The following NHS variants were observed in gnomAD, a reference collection of about 807,000 sequenced individuals.
NHS encodes the protein NHS actin remodeling regulator.
NHS carries 5 observed loss-of-function variants against 72.5 expected under a neutral mutation model. The observed-to-expected ratio is 0.07, with a 90% confidence interval of 0.04 to 0.14. The LOEUF is 0.14. NHS is among the 10% of genes least tolerant of loss of function. The pLI, the probability that NHS is intolerant of heterozygous loss-of-function variation, is 1.00. For missense variants in NHS, 1,072 were observed against 1,355.7 expected (o/e 0.79, Z 3.29); for synonymous variants, 464 against 547.7 (o/e 0.85, Z 2.13).
Position 17,687,873 on chromosome X carries a change from A to G in NHS, c.697A>G (p.Ser233Gly), listed in dbSNP as rs1235097477. ...VEELHRHARQ[S>G]LQALRREHRS... ...GGAGCTGCACCGCCACGCCCGGCAG[A>G]GCCTGCAAGCCCTGCGCAGAGGTGA... is the stretch of plus-strand genomic sequence containing the variant. The change falls in exon 2 of 9, where the codon AGC becomes GGC. Residue 233 changes from serine to glycine, a missense_variant. Transcript: ENST00000676302. 1 of 1,211,711 alleles carries G rather than the reference A, an allele frequency of 8.3e-7. No homozygotes were observed. Among genetic ancestry groups the G allele is most frequent in the East Asian group, 3.0e-5 (1 of 33,816 alleles).
At chrX:17,622,801 A>G (rs780376559) in intron 1 of NHS, among the ~76,000 whole-genome samples, 2 of 111,873 alleles carry the variant, frequency 1.8e-5, no homozygotes, top group East Asian at 5.6e-4. Context: ...CCCTGCAATC[A>G]GGCGTGGTTT....
chrX:17,451,967 C>G (rs2064807295), intron 1 of NHS, among the ~76,000 whole-genome samples: 1 of 111,692 alleles, frequency 9.0e-6, no homozygotes, highest in African/African-American at 3.3e-5. Flanking sequence ...CTTCCTGAGT[C>G]TTTGGAGCCC....
chrX:17,566,689 G>T (rs866674982), intron 1 of NHS, among the ~76,000 whole-genome samples: 32 of 102,167 alleles, frequency 3.1e-4, no homozygotes, highest in South Asian at 8.3e-4. Flanking sequence ...GCATTTGTTT[G>T]TTTTTTTTTT....
chrX:17,679,016 C>A (rs191850787), intron 1 of NHS, among the ~76,000 whole-genome samples: 6 of 111,114 alleles, frequency 5.4e-5, no homozygotes, highest in African/African-American at 1.6e-4. Flanking sequence ...TGCTGAAAAA[C>A]CAAGTTTGTA....
chrX:17,383,227 G>A (rs2064387362), intron 1 of NHS, among the ~76,000 whole-genome samples: 1 of 111,809 alleles, frequency 8.9e-6, no homozygotes, highest in South Asian at 3.7e-4. Flanking sequence ...TACTTATGGG[G>A]GAACTGCAAC....
chrX:17,511,962 G>A (rs728454), intron 1 of NHS, among the ~76,000 whole-genome samples: 106 of 111,848 alleles, frequency 9.5e-4, no homozygotes, highest in African/African-American at 3.3e-3. Flanking sequence ...TCACCTCTCA[G>A]CTGGGATAAA....
intron 1 of NHS, among the ~76,000 whole-genome samples, chrX:17,554,642 C>A (rs2065357617): frequency 8.9e-6 from 1 of 111,839 alleles, no homozygotes; most frequent in Non-Finnish European, 1.9e-5. Flanking sequence ...GAACAAGGAA[C>A]TGTGTCGTGG....
chrX:17,428,231 T>C (rs749325490), intron 1 of NHS, among the ~76,000 whole-genome samples: 1 of 112,664 alleles, frequency 8.9e-6, no homozygotes, highest in South Asian at 3.6e-4. Flanking sequence ...GGTTTCTTCA[T>C]TGATTCAGGT....
chrX:17,455,922 AT>A (rs971726411), intron 1 of NHS, among the ~76,000 whole-genome samples: 1 of 111,205 alleles, frequency 9.0e-6, no homozygotes, highest in African/African-American at 3.3e-5. Flanking sequence ...GTGGTGTGTA[AT>A]TTGTAGCTAA....
At chrX:17,677,231 A>G (rs778220051) in intron 1 of NHS, among the ~76,000 whole-genome samples, 53 of 112,267 alleles carry the variant, frequency 4.7e-4, no homozygotes, top group Admixed American at 6.6e-4. Context: ...CTCACATACA[A>G]TGATGGTTCC....
chrX:17,700,814 A>G (rs1349281625), intron 3 of NHS, among the ~76,000 whole-genome samples: 3 of 112,009 alleles, frequency 2.7e-5, no homozygotes, highest in Non-Finnish European at 5.6e-5. Flanking sequence ...ACCTTTATGA[A>G]CTGATAAGGA....
At chrX:17,457,218 G>A (rs774907685) in intron 1 of NHS, among the ~76,000 whole-genome samples, 10 of 111,946 alleles carry the variant, frequency 8.9e-5, no homozygotes, top group South Asian at 3.8e-4. Flanking sequence ...CAGAGAGGTC[G>A]TCTTAGTCCA....
At chrX:17,602,834 A>ATTTTT (rs34067989) in intron 1 of NHS, among the ~76,000 whole-genome samples, 2 of 83,271 alleles carry the variant, frequency 2.4e-5, no homozygotes, top group Admixed American at 1.3e-4. Context: ...CACAACTACA[A>ATTTTT]TTTTTTTTTT....
At chrX:17,472,066 G>A (rs1177707981) in intron 1 of NHS, among the ~76,000 whole-genome samples, 1 of 111,302 alleles carries the variant, frequency 9.0e-6, no homozygotes, top group Non-Finnish European at 1.9e-5. Context: ...ATTTGTTCGG[G>A]GATTCTTGTG....
At chrX:17,473,277 T>C (rs1314652700) in intron 1 of NHS, among the ~76,000 whole-genome samples, 11 of 112,166 alleles carry the variant, frequency 9.8e-5, no homozygotes, top group Non-Finnish European at 5.6e-5. Context: ...TTGACATATA[T>C]GAACCAGCCA....
In NHS at chrX:17,410,608, C is replaced by T. The variant is rs1260020644; in HGVS notation, c.565+34286C>T. On this transcript the variant is annotated intron_variant, in intron 1 of 8. Transcript: ENST00000676302. ...GACACCTTTCCTTTCCCTTTCCTGG[C>T]GTTCCCAAAATGCAGGCCTTCATTT... 4.8e-5 allele frequency among the ~76,000 whole-genome samples: 5 copies of T among 104,793 alleles called. 1 individual carries two copies. The highest frequency in any genetic ancestry group is 3.0e-4 in the East Asian group (1 of 3,336). The allele number at this position is 104,793 out of a possible 115,157, so 91.0% of individuals were successfully genotyped here.
intron 1 of NHS, among the ~76,000 whole-genome samples, chrX:17,593,393 G>A (rs775876112): frequency 3.0e-4 from 33 of 110,861 alleles, no homozygotes; most frequent in African/African-American, 1.0e-3. Flanking sequence ...CCACTGGGAA[G>A]GAACATATTT....
chrX:17,721,916 C>T (rs554880726), intron 5 of NHS, among the ~76,000 whole-genome samples: 205 of 111,558 alleles, frequency 1.8e-3, no homozygotes, highest in African/African-American at 6.0e-3. Flanking sequence ...ATGGAGAAAG[C>T]GGCAGTGATT....
intron 1 of NHS, among the ~76,000 whole-genome samples, chrX:17,512,105 A>G (rs185809897): frequency 1.8e-5 from 2 of 111,657 alleles, no homozygotes; most frequent in African/African-American, 3.3e-5. Flanking sequence ...ACTTGCTTCT[A>G]TATTTCCTTA....
Sources: gnomAD v4.1 joint callset for allele counts (sites outside exome capture counted in the v4.1 genomes callset) on GRCh38, gnomAD v4.1.1 for gene constraint, MANE v1.5 for transcripts, NCBI Gene and HGNC (gene_info 2026-07-23, HGNC 2026-07-21) for gene names.